The following NRG1 variants were observed in gnomAD, a reference collection of about 807,000 sequenced individuals.
NRG1 encodes pro-neuregulin-1, membrane-bound isoform.
Under a neutral mutation model 63.8 loss-of-function variants are expected in NRG1, and 18 were observed. That is an observed-to-expected ratio of 0.28 (90% CI 0.19 to 0.42). The LOEUF is 0.42. Among genes scored for constraint, NRG1 ranks in the 10% least tolerant of loss-of-function variants. NRG1 has a pLI of 1.00. For synonymous variants in NRG1, 302 were observed against 301.3 expected, an observed-to-expected ratio of 1.00 and a Z score of -0.02; for missense variants, 762 against 814.7, an observed-to-expected ratio of 0.94 and a Z score of 0.79.
intron 1 of NRG1, among the ~76,000 whole-genome samples, chr8:31,799,499 A>C: frequency 6.6e-6 from 1 of 152,130 alleles, no homozygotes; most frequent in Admixed American, 6.5e-5. Context: ...AATTAGGAAA[A>C]TAATATTCAC....
chr8:32,277,265 A>G (rs1387202009), intron 1 of NRG1, among the ~76,000 whole-genome samples: 1 of 152,216 alleles, frequency 6.6e-6, no homozygotes, highest in Non-Finnish European at 1.5e-5. Flanking sequence ...ATATTTTTAA[A>G]CATGATTTTG....
intron 1 of NRG1, among the ~76,000 whole-genome samples, chr8:32,356,916 AG>A (rs1312905859): frequency 6.6e-6 from 1 of 152,220 alleles, no homozygotes; most frequent in Non-Finnish European, 1.5e-5. Flanking sequence ...GAACATTAGG[AG>A]GTCTTTAAAT....
At chr8:32,178,677 C>G (rs577570377) in intron 1 of NRG1, among the ~76,000 whole-genome samples, 1 of 152,174 alleles carries the variant, frequency 6.6e-6, no homozygotes, top group Non-Finnish European at 1.5e-5. Flanking sequence ...AGTCAGAGTC[C>G]AGGAGGCCAT....
At chr8:31,833,049 CT>C (rs1297599939) in intron 1 of NRG1, among the ~76,000 whole-genome samples, 5 of 152,074 alleles carry the variant, frequency 3.3e-5, no homozygotes, top group African/African-American at 1.2e-4. Flanking sequence ...CCCAGTGCCA[CT>C]TACCTACCAC....
chr8:32,297,311 C>G (rs1324149962), intron 1 of NRG1, among the ~76,000 whole-genome samples: 1 of 152,048 alleles, frequency 6.6e-6, no homozygotes, highest in African/African-American at 2.4e-5. Context: ...CCCTTCAGGT[C>G]TGAATAAAAC....
chr8:32,457,162 T>A (rs530952686), intron 1 of NRG1, among the ~76,000 whole-genome samples: 2 of 152,070 alleles, frequency 1.3e-5, no homozygotes, highest in African/African-American at 4.8e-5. Flanking sequence ...ATAAATTATA[T>A]CTCCTCTTAG....
chr8:32,511,260 A>G (rs1588051255), intron 1 of NRG1, among the ~76,000 whole-genome samples: 1 of 149,452 alleles, frequency 6.7e-6, no homozygotes, highest in Non-Finnish European at 1.5e-5. Context: ...CAGTAAACAA[A>G]CTTACATGAC....
rs770993591 is a variant in NRG1 at position 32,293,718 on chromosome 8, CT to C, written c.38-302091del. On this transcript the variant is annotated intron_variant, in intron 1 of 10. Coordinates refer to the NRG1 transcript ENST00000519301. ...ACTATTTCTTTTTTCTTTTCTTCTT[CT>C]TTTTTTTTTTTTTTTTTTGAGATGG... Among the ~76,000 whole-genome samples the C allele has an allele frequency of 7.5e-3, 810 of 108,214 alleles. 2 individuals are homozygous for C. The highest frequency in any genetic ancestry group is 0.011 in the Middle Eastern group (2 of 174). The allele number at this position is 108,214 out of a possible 152,430, so 71.0% of individuals were successfully genotyped here. A position where few individuals can be genotyped will look rare whatever the true frequency, so the allele number is the denominator to read the frequency against.
chr8:31,932,302 C>G (rs1834933324), intron 1 of NRG1, among the ~76,000 whole-genome samples: 1 of 152,062 alleles, frequency 6.6e-6, no homozygotes, highest in Non-Finnish European at 1.5e-5. Context: ...GCAAATTTTC[C>G]GTATAGGAAT....
intron 1 of NRG1, among the ~76,000 whole-genome samples, chr8:32,217,838 C>G (rs1845404565): frequency 6.6e-6 from 1 of 152,144 alleles, no homozygotes; most frequent in African/African-American, 2.4e-5. Flanking sequence ...CATGAAGTTT[C>G]ATTCTAGCTT....
chr8:32,336,915 T>A (rs1185673283), intron 1 of NRG1, among the ~76,000 whole-genome samples: 1 of 151,802 alleles, frequency 6.6e-6, no homozygotes, highest in Admixed American at 6.6e-5. Context: ...CGGCCTAGAG[T>A]GGACATTTTA....
At chr8:31,934,982 T>C (rs1835181420) in intron 1 of NRG1, among the ~76,000 whole-genome samples, 1 of 152,132 alleles carries the variant, frequency 6.6e-6, no homozygotes. Flanking sequence ...GGTATTGCTC[T>C]GTCACCCCAC....
At chr8:31,661,709 A>G (rs1216635476) in intron 1 of NRG1, among the ~76,000 whole-genome samples, 1 of 152,202 alleles carries the variant, frequency 6.6e-6, no homozygotes, top group African/African-American at 2.4e-5. Flanking sequence ...GATGTTGTCT[A>G]AAAAATGTCA....
chr8:32,472,085 T>C (rs1823919552), intron 1 of NRG1, among the ~76,000 whole-genome samples: 1 of 152,198 alleles, frequency 6.6e-6, no homozygotes. Context: ...ACAAAGCCAC[T>C]GGGAATTTAT....
intron 1 of NRG1, among the ~76,000 whole-genome samples, chr8:32,156,096 C>T (rs1356414126): frequency 6.6e-6 from 1 of 152,202 alleles, no homozygotes; most frequent in Non-Finnish European, 1.5e-5. Flanking sequence ...ACATGGTAGG[C>T]AGCTCCTGGC....
rs533710771 is a variant in NRG1, at chr8:31,753,677, A to G, written c.37+114246A>G. Among the ~76,000 whole-genome samples the G allele has an allele frequency of 3.9e-5, 6 of 152,220 alleles. No individual in the cohort carries two copies. The South Asian group carries it at 1.0e-3, about 26-fold the overall frequency. On this transcript the variant is annotated intron_variant, in intron 1 of 10. Coordinates refer to the NRG1 transcript ENST00000519301. Reference sequence around the variant, plus strand: ...ATCTATCCAAACAATCACTCTCATAATGTAAGAGAAGGAAAGAAAAACTAA... The same window carrying G: ...ATCTATCCAAACAATCACTCTCATAGTGTAAGAGAAGGAAAGAAAAACTAA...
intron 1 of NRG1, among the ~76,000 whole-genome samples, chr8:32,530,984 G>C (rs948125929): frequency 3.9e-5 from 6 of 152,140 alleles, no homozygotes; most frequent in African/African-American, 1.2e-4. Flanking sequence ...TGTAATTCCA[G>C]CTACTTGGGA....
At chr8:31,849,532 T>C (rs1827014925) in intron 1 of NRG1, among the ~76,000 whole-genome samples, 1 of 152,258 alleles carries the variant, frequency 6.6e-6, no homozygotes, top group African/African-American at 2.4e-5. Context: ...GGACAAATAC[T>C]AAATAATATT....
intron 1 of NRG1, among the ~76,000 whole-genome samples, chr8:31,905,158 A>G (rs1467182873): frequency 6.6e-6 from 1 of 152,114 alleles, no homozygotes; most frequent in Non-Finnish European, 1.5e-5. Flanking sequence ...CCAGAGAGAG[A>G]CAATCCAGTT....
Sources: gnomAD v4.1 joint callset for allele counts (sites outside exome capture counted in the v4.1 genomes callset) on GRCh38, gnomAD v4.1.1 for gene constraint, MANE v1.5 for transcripts, NCBI Gene and HGNC (gene_info 2026-07-23, HGNC 2026-07-21) for gene names.